The following CACNA2D1 variants were observed in gnomAD, a reference collection of about 807,000 sequenced individuals.
CACNA2D1 encodes the protein calcium voltage-gated channel auxiliary subunit alpha2delta 1.
CACNA2D1 carries 53 observed loss-of-function variants against 171.5 expected under a neutral mutation model. The ratio of observed to expected loss-of-function variants is 0.31; its 90% CI spans 0.25 to 0.39. The LOEUF (loss-of-function observed/expected upper bound fraction) is 0.39. CACNA2D1 is among the 10% of genes least tolerant of loss of function. The pLI, the probability that CACNA2D1 is intolerant of heterozygous loss-of-function variation, is 1.00. For synonymous variants in CACNA2D1, 442 were observed against 443.1 expected, an observed-to-expected ratio of 1.00 and a Z score of 0.03; for missense variants, 903 against 1,299.8, an observed-to-expected ratio of 0.69 and a Z score of 4.69.
chr7:82,279,172 C>T (rs1031483288), intron 3 of CACNA2D1, among the ~76,000 whole-genome samples: 1 of 152,092 alleles, frequency 6.6e-6, no homozygotes, highest in African/African-American at 2.4e-5. Context: ...AAGGTAATTC[C>T]ATTATGACTA....
intron 4 of CACNA2D1, among the ~76,000 whole-genome samples, chr7:82,143,385 AT>A (rs1377089649): frequency 6.6e-6 from 1 of 152,158 alleles, no homozygotes; most frequent in Non-Finnish European, 1.5e-5. Flanking sequence ...TATATGAAAA[AT>A]ATCAGGAATA....
rs537925297 is a variant in CACNA2D1, at chr7:82,398,737, T to A, written c.95+44628A>T. On this transcript the variant is annotated intron_variant, in intron 1 of 38. Coordinates refer to ENST00000356860, the MANE Select transcript of CACNA2D1 (RefSeq NM_000722.4). ...GGACTACAGGCGTGCACCACCATGC[T>A]GGCTATTTTTTAAAATTTTTTGTAG... Among the ~76,000 whole-genome samples the A allele has an allele frequency of 6.0e-4, 91 of 151,944 alleles. 2 individuals are homozygous for A. In the South Asian group the frequency reaches 0.014, roughly 24 times the overall value.
At chr7:82,118,424 A>G (rs1180976777) in intron 5 of CACNA2D1, among the ~76,000 whole-genome samples, 3 of 152,156 alleles carry the variant, frequency 2.0e-5, no homozygotes, top group African/African-American at 7.2e-5. Context: ...AAGAGAAAAA[A>G]TCCTATTTGT....
At chr7:82,265,251 A>G (rs1807676312) in intron 3 of CACNA2D1, among the ~76,000 whole-genome samples, 1 of 152,214 alleles carries the variant, frequency 6.6e-6, no homozygotes, top group Non-Finnish European at 1.5e-5. Context: ...GCATCTGCTC[A>G]TTAGAACCAA....
At chr7:82,345,937 CCCCTT>C in intron 2 of CACNA2D1, among the ~76,000 whole-genome samples, 1 of 152,166 alleles carries the variant, frequency 6.6e-6, no homozygotes, top group Admixed American at 6.6e-5. Context: ...TTGGTTCTGT[CCCCTT>C]CCATTGTGAC....
intron 18 of CACNA2D1, among the ~76,000 whole-genome samples, chr7:81,999,953 A>G (rs572613306): frequency 6.6e-6 from 1 of 152,258 alleles, no homozygotes. Context: ...TTAGACCTCC[A>G]TGGGGAGCTT....
intron 3 of CACNA2D1, among the ~76,000 whole-genome samples, chr7:82,286,166 T>C (rs1810740695): frequency 6.6e-6 from 1 of 152,134 alleles, no homozygotes; most frequent in African/African-American, 2.4e-5. Flanking sequence ...TTTATAGATA[T>C]TACTTGCTAT....
intron 24 of CACNA2D1, among the ~76,000 whole-genome samples, chr7:81,975,394 T>G (rs1043154323): frequency 6.6e-6 from 1 of 152,166 alleles, no homozygotes; most frequent in East Asian, 1.9e-4. Flanking sequence ...TTATCTTTAA[T>G]TCCTGACAAG....
intron 1 of CACNA2D1, among the ~76,000 whole-genome samples, chr7:82,353,052 A>T (rs568029000): frequency 6.6e-6 from 1 of 152,368 alleles, no homozygotes; most frequent in South Asian, 2.1e-4. Context: ...TGTAAACATG[A>T]TTAAATAATT....
intron 3 of CACNA2D1, among the ~76,000 whole-genome samples, chr7:82,242,024 C>T (rs1343496172): frequency 1.3e-5 from 2 of 152,084 alleles, no homozygotes; most frequent in East Asian, 3.9e-4. Context: ...AATAAACTTC[C>T]TAAATTGTTT....
At chr7:82,098,753 C>G (rs921849621) in intron 6 of CACNA2D1, among the ~76,000 whole-genome samples, 1 of 152,170 alleles carries the variant, frequency 6.6e-6, no homozygotes, top group African/African-American at 2.4e-5. Context: ...TTCTGCAATT[C>G]ACTTGCACCT....
At position 82,197,764 on chromosome 7, in the gene CACNA2D1, A is replaced by G. The variant is rs375203949; in HGVS notation, c.295-27155T>C. Among the ~76,000 whole-genome samples the G allele has an allele frequency of 6.6e-5, 10 of 152,094 alleles. No homozygotes were observed. In the East Asian group the frequency reaches 1.9e-3, roughly 29 times the overall value. Reference sequence around the variant, plus strand: ...TGAAAATAACATTTCCAAGAAGAAAATTAAGCATATATTTTCTCCTTCTAA... The same window carrying G: ...TGAAAATAACATTTCCAAGAAGAAAGTTAAGCATATATTTTCTCCTTCTAA... On this transcript the variant is annotated intron_variant, in intron 3 of 38. Coordinates refer to ENST00000356860, the MANE Select transcript of CACNA2D1 (RefSeq NM_000722.4).
At chr7:82,039,180 T>C (rs1803657556) in intron 10 of CACNA2D1, among the ~76,000 whole-genome samples, 2 of 152,168 alleles carry the variant, frequency 1.3e-5, no homozygotes, top group African/African-American at 4.8e-5. Context: ...ATGTTAAAGA[T>C]ATTTTCACAT....
intron 10 of CACNA2D1, among the ~76,000 whole-genome samples, chr7:82,038,806 A>G (rs1291319397): frequency 6.6e-6 from 1 of 152,210 alleles, no homozygotes; most frequent in Non-Finnish European, 1.5e-5. Context: ...GTTACTAAAG[A>G]GTGCCAGGGG....
chr7:82,254,272 A>G (rs140768101), intron 3 of CACNA2D1, among the ~76,000 whole-genome samples: 375 of 152,270 alleles, frequency 2.5e-3, no homozygotes, highest in Non-Finnish European at 4.4e-3. Context: ...AAAAAAGTAT[A>G]CTACCATATG....
intron 12 of CACNA2D1, among the ~76,000 whole-genome samples, chr7:82,027,074 G>A (rs1241346691): frequency 6.6e-6 from 1 of 151,594 alleles, no homozygotes; most frequent in Non-Finnish European, 1.5e-5. Flanking sequence ...CTGGGGGTTT[G>A]TAGGGAGGTG....
At chr7:82,112,086 T>G (rs1788542188) in intron 6 of CACNA2D1, among the ~76,000 whole-genome samples, 2 of 152,260 alleles carry the variant, frequency 1.3e-5, no homozygotes, top group South Asian at 2.1e-4. Context: ...CTATAGTTTC[T>G]GCCTAATATC....
At chr7:82,291,758 A>G (rs1019850897) in intron 3 of CACNA2D1, among the ~76,000 whole-genome samples, 5 of 149,912 alleles carry the variant, frequency 3.3e-5, no homozygotes, top group Admixed American at 1.3e-4. Flanking sequence ...TTCTGCCTCA[A>G]CCTCCCAAAG....
chr7:82,089,674 A>G (rs1307369930), intron 6 of CACNA2D1, among the ~76,000 whole-genome samples: 2 of 152,210 alleles, frequency 1.3e-5, no homozygotes, highest in Non-Finnish European at 2.9e-5. Context: ...TCTAATTTGT[A>G]ACAGCACAAA....
Sources: gnomAD v4.1 joint callset for allele counts (sites outside exome capture counted in the v4.1 genomes callset) on GRCh38, gnomAD v4.1.1 for gene constraint, MANE v1.5 for transcripts, NCBI Gene and HGNC (gene_info 2026-07-23, HGNC 2026-07-21) for gene names.